Variants in CNTN5 observed in about 807,000 individuals in gnomAD.
The protein encoded by CNTN5 is contactin 5.
CNTN5 carries 77 observed loss-of-function variants against 129.1 expected under a neutral mutation model. The observed-to-expected ratio is 0.60, with a 90% confidence interval of 0.50 to 0.72. The LOEUF (loss-of-function observed/expected upper bound fraction) is 0.72, where lower values mean the gene tolerates loss of function less well. Ranked by LOEUF, CNTN5 falls within the 30% of genes least tolerant of loss-of-function variation. The probability of loss-of-function intolerance (pLI) is 0.00; values close to 1 mark genes in which losing one functional copy is unlikely to be tolerated. For missense variants in CNTN5, 1,478 were observed against 1,328.8 expected (o/e 1.11, Z -1.75); for synonymous variants, 509 against 465.6 (o/e 1.09, Z -1.20).
intron 17 of CNTN5, among the ~76,000 whole-genome samples, 164 bp downstream of exon 17, chr11:100,256,082 C>G (rs1950063794): frequency 6.6e-6 from 1 of 152,154 alleles, no homozygotes; most frequent in South Asian, 2.1e-4. Flanking sequence ...CTGAGAAGAG[C>G]AAGGTACCTT....
chr11:99,740,564 G>C (rs1465426531), intron 3 of CNTN5, among the ~76,000 whole-genome samples: 2 of 152,162 alleles, frequency 1.3e-5, no homozygotes, highest in Non-Finnish European at 2.9e-5. Context: ...AGGGAGATTT[G>C]AATGAATTAG....
chr11:100,100,938 G>T (rs559666310), intron 13 of CNTN5, among the ~76,000 whole-genome samples: 1 of 152,152 alleles, frequency 6.6e-6, no homozygotes, highest in South Asian at 2.1e-4. Flanking sequence ...CAATTTTCTT[G>T]CATCAACTGA....
intron 1 of CNTN5, among the ~76,000 whole-genome samples, chr11:99,106,024 G>T (rs1035632442): frequency 3.9e-5 from 6 of 152,094 alleles, no homozygotes; most frequent in Admixed American, 2.0e-4. Context: ...AACGTAAGGG[G>T]AGTATCTGCA....
chr11:100,303,388 T>C (rs1368919293), intron 20 of CNTN5, among the ~76,000 whole-genome samples: 4 of 151,700 alleles, frequency 2.6e-5, no homozygotes, highest in African/African-American at 9.6e-5. Flanking sequence ...TTAAATTGGC[T>C]TTTTCTTCCA....
At chr11:99,596,439 T>C (rs1013834430) in intron 3 of CNTN5, among the ~76,000 whole-genome samples, 1 of 152,168 alleles carries the variant, frequency 6.6e-6, no homozygotes. Flanking sequence ...CTATCTCTTA[T>C]GTGAATCTCT....
chr11:100,085,938 G>A (rs1464432031), intron 13 of CNTN5, among the ~76,000 whole-genome samples: 1 of 152,020 alleles, frequency 6.6e-6, no homozygotes, highest in Non-Finnish European at 1.5e-5. Context: ...TTTTAACACA[G>A]AGGGACAGAG....
At chr11:99,988,138 G>T (rs558351606) in intron 8 of CNTN5, among the ~76,000 whole-genome samples, 1 of 152,328 alleles carries the variant, frequency 6.6e-6, no homozygotes, top group South Asian at 2.1e-4. Flanking sequence ...AATATGTTGT[G>T]AATTGTCTAC....
intron 2 of CNTN5, among the ~76,000 whole-genome samples, chr11:99,500,997 C>T (rs1468292111): frequency 3.9e-5 from 6 of 152,014 alleles, no homozygotes; most frequent in African/African-American, 1.4e-4. Context: ...AGTGAAGATC[C>T]TTGATATATG....
intron 7 of CNTN5, among the ~76,000 whole-genome samples, chr11:99,932,313 C>G (rs1950211561): frequency 6.6e-6 from 1 of 152,142 alleles, no homozygotes; most frequent in Admixed American, 6.6e-5. Context: ...CTGCCTCAGC[C>G]TTCTGAGTAG....
chr11:100,045,720 TA>T (rs34822140), intron 9 of CNTN5, among the ~76,000 whole-genome samples: 13,328 of 140,542 alleles, frequency 0.095, 679 homozygotes, highest in East Asian at 0.2. Flanking sequence ...CATTTATTAT[TA>T]AAAAAAAAAA....
chr11:100,286,805 T>C (rs1285377891), intron 18 of CNTN5, among the ~76,000 whole-genome samples: 2 of 149,482 alleles, frequency 1.3e-5, no homozygotes, highest in Non-Finnish European at 3.0e-5. Context: ...ATCAAATTAC[T>C]CTGAGCTACG....
intron 3 of CNTN5, among the ~76,000 whole-genome samples, chr11:99,720,121 A>G (rs1400348846): frequency 6.6e-6 from 1 of 152,088 alleles, no homozygotes; most frequent in South Asian, 2.1e-4. Flanking sequence ...ATCTGGTACT[A>G]TAGAAACTAT....
At chr11:99,052,759 G>A (rs1864478319) in intron 1 of CNTN5, among the ~76,000 whole-genome samples, 1 of 151,832 alleles carries the variant, frequency 6.6e-6, no homozygotes, top group Non-Finnish European at 1.5e-5. Context: ...GGAAAGTATT[G>A]ATACATGTAA....
intron 23 of CNTN5, among the ~76,000 whole-genome samples, chr11:100,343,876 G>A (rs909757485): frequency 1.3e-5 from 2 of 152,134 alleles, no homozygotes; most frequent in African/African-American, 4.8e-5. Context: ...CTCTTCTTAA[G>A]CACAATGTGT....
At chr11:99,701,336 T>C (rs1358228049) in intron 3 of CNTN5, among the ~76,000 whole-genome samples, 1 of 151,110 alleles carries the variant, frequency 6.6e-6, no homozygotes, top group Non-Finnish European at 1.5e-5. Flanking sequence ...AAAAAGTAGT[T>C]ATTTTTGAAT....
chr11:99,710,714 A>C (rs1954951502), intron 3 of CNTN5, among the ~76,000 whole-genome samples: 2 of 151,786 alleles, frequency 1.3e-5, no homozygotes, highest in Admixed American at 6.6e-5. Flanking sequence ...ACAGTTCAAT[A>C]TTAAAGGACT....
chr11:100,338,702 A>T (rs1435125428), intron 21 of CNTN5, among the ~76,000 whole-genome samples: 3 of 152,168 alleles, frequency 2.0e-5, no homozygotes, highest in Non-Finnish European at 4.4e-5. Flanking sequence ...CAGAACAGGC[A>T]CATGTGGATA....
At chr11:100,079,566 C>G (rs1944277641) in intron 13 of CNTN5, among the ~76,000 whole-genome samples, 1 of 152,116 alleles carries the variant, frequency 6.6e-6, no homozygotes, top group African/African-American at 2.4e-5. Flanking sequence ...GTTCCATTAA[C>G]ATTTTATAGG....
intron 3 of CNTN5, among the ~76,000 whole-genome samples, chr11:99,660,124 CT>C (rs1356300524): frequency 1.3e-5 from 2 of 151,940 alleles, no homozygotes; most frequent in African/African-American, 4.8e-5. Context: ...TATATAAAAC[CT>C]GAATCTATAA....
Sources: gnomAD v4.1 joint callset for allele counts (sites outside exome capture counted in the v4.1 genomes callset) on GRCh38, gnomAD v4.1.1 for gene constraint, MANE v1.5 for transcripts, NCBI Gene and HGNC (gene_info 2026-07-23, HGNC 2026-07-21) for gene names.